Variants in AP1AR observed in about 807,000 individuals in gnomAD.
AP1AR encodes the protein adaptor related protein complex 1 associated regulatory protein.
AP1AR carries 29 observed loss-of-function variants against 46.3 expected under a neutral mutation model. That is an observed-to-expected ratio of 0.63 (90% CI 0.47 to 0.85). AP1AR has a LOEUF of 0.85. AP1AR is among the 40% of genes least tolerant of loss of function. The pLI, the probability that AP1AR is intolerant of heterozygous loss-of-function variation, is 0.00. For synonymous variants in AP1AR, 122 were observed against 122.9 expected (o/e 0.99, Z 0.05); for missense variants, 357 against 356.3 (o/e 1.00, Z -0.02).
intron 1 of AP1AR, among the ~76,000 whole-genome samples, chr4:112,232,446 T>C (rs1358087819): frequency 6.6e-6 from 1 of 152,060 alleles, no homozygotes; most frequent in Admixed American, 6.5e-5. Flanking sequence ...GGAGACATCA[T>C]CTCCAGGAAA....
intron 1 of AP1AR, among the ~76,000 whole-genome samples, chr4:112,242,670 G>C (rs1391569096): frequency 6.6e-6 from 1 of 152,144 alleles, no homozygotes; most frequent in East Asian, 1.9e-4. Flanking sequence ...CCATGAGGAT[G>C]AGGTTGGTAC....
chr4:112,264,976 A>G lies in AP1AR; in HGVS notation c.382-33A>G, dbSNP rs569010687. ...TTTAAAATATATAATTTTACAACAG[A>G]GTGATTTTTTTTATTACATTATGTT... On this transcript the variant is annotated intron_variant, in intron 6 of 9. Transcript: ENST00000274000. 1.9e-6 allele frequency: 3 copies of G among 1,540,966 alleles called. No individual in the cohort carries two copies. In the African/African-American group the frequency reaches 4.1e-5, roughly 21 times the overall value.
intron 1 of AP1AR, among the ~76,000 whole-genome samples, chr4:112,238,953 C>G (rs1725366903): frequency 1.3e-5 from 2 of 152,166 alleles, no homozygotes; most frequent in African/African-American, 4.8e-5. Context: ...TGAGTGGTAT[C>G]TGTAGTCACC....
chr4:112,257,565 A>C (rs1306611165), intron 3 of AP1AR, among the ~76,000 whole-genome samples: 2 of 152,188 alleles, frequency 1.3e-5, no homozygotes, highest in African/African-American at 2.4e-5. Flanking sequence ...TAGTAAACTA[A>C]ATTTTGCTTT....
chr4:112,242,661 C>T, intron 1 of AP1AR, among the ~76,000 whole-genome samples: 1 of 152,118 alleles, frequency 6.6e-6, no homozygotes, highest in East Asian at 1.9e-4. Context: ...CACTCATAAC[C>T]ATGAGGATGA....
At chr4:112,255,514 C>T (rs973124161) in intron 3 of AP1AR, among the ~76,000 whole-genome samples, 1 of 152,184 alleles carries the variant, frequency 6.6e-6, no homozygotes, top group Non-Finnish European at 1.5e-5. Flanking sequence ...GAGCAGTCCT[C>T]CTGCCTCAGC....
intron 1 of AP1AR, among the ~76,000 whole-genome samples, chr4:112,240,415 T>C (rs918901613): frequency 6.6e-6 from 1 of 152,238 alleles, no homozygotes; most frequent in African/African-American, 2.4e-5. Context: ...TCTTAGTTTA[T>C]AGTCATACTG....
Position 112,254,788 on chromosome 4 carries a change from A to C in AP1AR, c.159+15A>C. ...AAAGTGATGAAGTAAGTATTTCCAT[A>C]ATAGTACAAAACTTGTATTTGTTTT... On this transcript the variant is annotated intron_variant, in intron 3 of 9. Coordinates refer to ENST00000274000, the MANE Select transcript of AP1AR (RefSeq NM_018569.6). The C allele has an allele frequency of 7.2e-7, 1 of 1,395,280 alleles. No homozygotes were observed. The highest frequency in any genetic ancestry group is 1.5e-5 in the South Asian group (1 of 68,014). 86.4% of individuals were successfully genotyped at this position (1,395,280 alleles called of 1,614,324 possible).
intron 1 of AP1AR, among the ~76,000 whole-genome samples, chr4:112,246,094 C>T (rs1229164701): frequency 6.6e-6 from 1 of 152,078 alleles, no homozygotes; most frequent in Non-Finnish European, 1.5e-5. Flanking sequence ...AAACTTCATT[C>T]TTGAAAATAT....
intron 6 of AP1AR, 96 bp downstream of exon 6, chr4:112,263,182 G>T: frequency 1.1e-6 from 1 of 924,680 alleles, no homozygotes; most frequent in South Asian, 1.7e-5. Flanking sequence ...TATTCTCAAG[G>T]ACTTCTTGTT....
intron 4 of AP1AR, 22 bp downstream of exon 4, chr4:112,257,819 AAAAC>A (rs745680647): frequency 6.5e-7 from 1 of 1,545,238 alleles, no homozygotes; most frequent in Non-Finnish European, 8.7e-7. Flanking sequence ...TTAAAAAAAA[AAAAC>A]AAAACTTCTA....
In AP1AR at chr4:112,272,516, C is replaced by G. The variant is rs1395753045; in HGVS notation, c.*4107C>G. Among the ~76,000 whole-genome samples, 1 of 152,030 alleles carries G rather than the reference C, an allele frequency of 6.6e-6. No homozygotes were observed. The highest frequency in any genetic ancestry group is 2.4e-5 in the African/African-American group (1 of 41,370). The stretch of plus-strand genomic sequence containing the variant: ...AGAGCATGTGCATAACTTCAATCAC[C>G]AAAAGGCCCTTCCAGATACTGGCAA... On this transcript the variant is annotated 3_prime_UTR_variant, in exon 10 of 10. Transcript: ENST00000274000.
At chr4:112,236,682 C>G (rs1040711917) in intron 1 of AP1AR, among the ~76,000 whole-genome samples, 1 of 152,054 alleles carries the variant, frequency 6.6e-6, no homozygotes, top group Non-Finnish European at 1.5e-5. Context: ...ATTACAGGCA[C>G]GAGCCACTGC....
rs1050145846 is a variant in AP1AR, at chr4:112,241,320, A to G, written c.83+9146A>G. On this transcript the variant is annotated intron_variant, in intron 1 of 9. Transcript: ENST00000274000. ...TTTCTATGTTTACATGTAGGTAGAT[A>G]TATATAAACAGATATAAAATGAGAA... Among the ~76,000 whole-genome samples the G allele has an allele frequency of 3.0e-3, 454 of 152,336 alleles. 10 individuals carry two copies. Among genetic ancestry groups the G allele is most frequent in the Non-Finnish European group, 2.6e-4 (18 of 68,032 alleles).
In AP1AR at chr4:112,272,042, C is replaced by T. The variant is rs564791122; in HGVS notation, c.*3633C>T. Among the ~76,000 whole-genome samples the T allele has an allele frequency of 2.0e-5, 3 of 152,170 alleles. No individual in the cohort carries two copies. In the South Asian group the frequency reaches 6.2e-4, roughly 32 times the overall value. On this transcript the variant is annotated 3_prime_UTR_variant, in exon 10 of 10. Coordinates refer to ENST00000274000, the MANE Select transcript of AP1AR (RefSeq NM_018569.6). Reference sequence around the variant, plus strand: ...AATAGCAAATGCTTTGAAAAGAGGTCCGCTGCTTTAGTTGCATTTGGAGAC... The same window carrying T: ...AATAGCAAATGCTTTGAAAAGAGGTTCGCTGCTTTAGTTGCATTTGGAGAC...
At position 112,270,905 on chromosome 4, in the gene AP1AR, T is replaced by C. The variant is rs1490509892; in HGVS notation, c.*2496T>C. On this transcript the variant is annotated 3_prime_UTR_variant, in exon 10 of 10. Coordinates refer to ENST00000274000, the MANE Select transcript of AP1AR (RefSeq NM_018569.6). ...TTTCAAACGATTGCTTTAGTTGCTGTGTAGAGAATGGATTGTAAGAAGGCA... is the reference window on the plus strand; with the variant it reads ...TTTCAAACGATTGCTTTAGTTGCTGCGTAGAGAATGGATTGTAAGAAGGCA... Among the ~76,000 whole-genome samples the C allele has an allele frequency of 6.6e-6, 1 of 152,200 alleles. No homozygotes were observed. The highest frequency in any genetic ancestry group is 1.9e-4 in the East Asian group (1 of 5,200).
intron 1 of AP1AR, among the ~76,000 whole-genome samples, chr4:112,238,891 C>T (rs1315549298): frequency 1.3e-5 from 2 of 152,166 alleles, no homozygotes; most frequent in Non-Finnish European, 2.9e-5. Flanking sequence ...GCCCTTTCCT[C>T]CTTTTTCCTC....
At position 112,232,125 on chromosome 4, in the gene AP1AR, C is replaced by G. The variant is rs559916283; in HGVS notation, c.34C>G (p.Leu12Val). The G allele has an allele frequency of 7.0e-6, 9 of 1,293,948 alleles. 1 individual carries two copies. The highest frequency in any genetic ancestry group is 4.0e-5 in the Admixed American group (1 of 24,712). 80.2% of individuals were successfully genotyped at this position (1,293,948 alleles called of 1,614,324 possible). The change falls in exon 1 of 10, where the codon CTG becomes GTG. Residue 12 changes from leucine (L) to valine (V), a missense_variant. Around this residue, in one of 2 missense-constraint regions of AP1AR, gnomAD observed 269 missense variants for 223.6 expected, o/e 1.20. Coordinates refer to ENST00000274000, the MANE Select transcript of AP1AR (RefSeq NM_018569.6). ...GNCCWTQCFG[L>V]LRKEAGRLQR... is the part of the protein sequence containing the mutation. ...CTGCTGCTGGACGCAGTGCTTCGGACTGCTTCGCAAGGAAGCGGGGCGGCT... is the reference window on the plus strand; with the variant it reads ...CTGCTGCTGGACGCAGTGCTTCGGAGTGCTTCGCAAGGAAGCGGGGCGGCT...
Position 112,231,959 on chromosome 4 carries a change from C to T in AP1AR, c.-133C>T, listed in dbSNP as rs1348735908. 1.5e-5 allele frequency: 12 copies of T among 784,472 alleles called. No homozygotes were observed. Among genetic ancestry groups the T allele is most frequent in the Non-Finnish European group, 2.1e-5 (12 of 568,590 alleles). 48.6% of individuals were successfully genotyped at this position (784,472 alleles called of 1,614,324 possible). A position where few individuals can be genotyped will look rare whatever the true frequency, so the allele number is the denominator to read the frequency against. ...TTCGTCGCCCCGTGCCCTCACGCCG[C>T]CGGGCTCTGGCCGGCCCGCCCTCGG... On this transcript the variant is annotated 5_prime_UTR_variant, in exon 1 of 10. Coordinates refer to ENST00000274000, the MANE Select transcript of AP1AR (RefSeq NM_018569.6).
Sources: allele counts gnomAD v4.1 joint callset (sites outside exome capture counted in the v4.1 genomes callset), GRCh38; gene constraint gnomAD v4.1.1; regional missense constraint gnomAD v4.1.1; transcripts MANE v1.5; gene names NCBI Gene and HGNC (gene_info 2026-07-23, HGNC 2026-07-21).